PRKN: variants seen among roughly 807,000 people sequenced by gnomAD.
PRKN encodes the protein parkin RBR E3 ubiquitin protein ligase, also known as E3 ubiquitin-protein ligase parkin.
In PRKN, 56 loss-of-function variants were observed where a neutral mutation model predicts 59.5. The ratio of observed to expected loss-of-function variants is 0.94; its 90% CI spans 0.76 to 1.18. PRKN has a LOEUF of 1.18. Ranked by LOEUF, PRKN falls within the 50% of genes most tolerant of loss-of-function variation. The pLI is 0.00. For synonymous variants in PRKN, 250 were observed against 222.1 expected (o/e 1.13, Z -1.12); for missense variants, 657 against 596.4 (o/e 1.10, Z -1.06).
intron 7 of PRKN, among the ~76,000 whole-genome samples, chr6:161,672,515 T>G (rs1218079240): frequency 6.6e-6 from 1 of 152,204 alleles, no homozygotes; most frequent in Non-Finnish European, 1.5e-5. Context: ...GTGGCTCATG[T>G]CTGTAATCCC....
intron 1 of PRKN, among the ~76,000 whole-genome samples, chr6:162,578,706 A>T (rs1464247047): frequency 2.0e-5 from 3 of 152,212 alleles, no homozygotes; most frequent in Admixed American, 6.5e-5. Context: ...TGCTCTAAGC[A>T]TTCTTGATTT....
intron 2 of PRKN, among the ~76,000 whole-genome samples, chr6:162,389,814 A>G (rs956391455): frequency 3.4e-4 from 52 of 152,202 alleles, no homozygotes; most frequent in African/African-American, 1.1e-3. Flanking sequence ...CTCAGTAAAA[A>G]GCTAAACAAA....
intron 4 of PRKN, among the ~76,000 whole-genome samples, chr6:162,151,058 C>T (rs897366886): frequency 3.9e-5 from 6 of 152,180 alleles, no homozygotes; most frequent in Middle Eastern, 3.4e-3. Context: ...ACAGCAGGGA[C>T]GATCCTAAAT....
chr6:162,469,362 GT>G lies in PRKN; in HGVS notation c.8-25890del, dbSNP rs370490953. Reference sequence around the variant, plus strand: ...GTGGGGGGGTTGCAGGGGGGGGTGGGTGACAGAGGAAGTCATTCTACAAAAA... The same window carrying G: ...GTGGGGGGGTTGCAGGGGGGGGTGGGGACAGAGGAAGTCATTCTACAAAAA... On this transcript the variant is annotated intron_variant, in intron 1 of 11. Coordinates refer to ENST00000366898, the MANE Select transcript of PRKN (RefSeq NM_004562.3). Among the ~76,000 whole-genome samples, 632 of 92,542 alleles carry G rather than the reference GT, an allele frequency of 6.8e-3. 14 individuals carry two copies. The highest frequency in any genetic ancestry group is 0.023 in the East Asian group (59 of 2,518). The allele number at this position is 92,542 out of a possible 152,430, so 60.7% of individuals were successfully genotyped here.
intron 6 of PRKN, among the ~76,000 whole-genome samples, chr6:161,872,352 T>G (rs1460130280): frequency 1.3e-5 from 2 of 152,152 alleles, no homozygotes; most frequent in African/African-American, 4.8e-5. Flanking sequence ...ATTTATATAT[T>G]TAAACAGGGC....
chr6:162,007,099 T>C (rs1283639120), intron 5 of PRKN, among the ~76,000 whole-genome samples: 1 of 152,032 alleles, frequency 6.6e-6, no homozygotes, highest in African/African-American at 2.4e-5. Context: ...CGATGGAAAA[T>C]GAGCATTTAA....
intron 1 of PRKN, among the ~76,000 whole-genome samples, chr6:162,682,205 A>G (rs2128233054): frequency 6.6e-6 from 1 of 152,198 alleles, no homozygotes; most frequent in African/African-American, 2.4e-5. Flanking sequence ...AGCAGTGAAA[A>G]CATCCCAGCT....
At chr6:162,466,702 C>G (rs887559726) in intron 1 of PRKN, among the ~76,000 whole-genome samples, 1 of 152,068 alleles carries the variant, frequency 6.6e-6, no homozygotes, top group African/African-American at 2.4e-5. Context: ...GCCACCACAT[C>G]CATTTCACTT....
chr6:162,549,478 G>A (rs780279479), intron 1 of PRKN, among the ~76,000 whole-genome samples: 3 of 152,048 alleles, frequency 2.0e-5, no homozygotes, highest in Non-Finnish European at 4.4e-5. Flanking sequence ...AAACTGATGT[G>A]CTTCTAGAAT....
intron 7 of PRKN, among the ~76,000 whole-genome samples, chr6:161,617,875 G>A (rs1782754358): frequency 6.6e-6 from 1 of 152,206 alleles, no homozygotes; most frequent in Non-Finnish European, 1.5e-5. Flanking sequence ...TAAATCGGTA[G>A]ATTCCTTGTC....
rs375410156 is a variant in PRKN at position 162,291,590 on chromosome 6, C to T, written c.172-28825G>A. Among the ~76,000 whole-genome samples, 16 of 152,162 alleles carry T rather than the reference C, an allele frequency of 1.1e-4. No individual in the cohort carries two copies. In the South Asian group the frequency reaches 3.1e-3, roughly 30 times the overall value. ...ATTTCGAGATGCCTCACCTCCTGCT[C>T]GAAAGTCAGGTGAAGAAGGATTCTT... On this transcript the variant is annotated intron_variant, in intron 2 of 11. Coordinates refer to ENST00000366898, the MANE Select transcript of PRKN (RefSeq NM_004562.3).
chr6:162,444,389 G>C (rs1005553489), intron 1 of PRKN, among the ~76,000 whole-genome samples: 1 of 152,060 alleles, frequency 6.6e-6, no homozygotes, highest in East Asian at 1.9e-4. Flanking sequence ...CTGTCGGCTG[G>C]TGAGGAAAGA....
chr6:162,145,875 A>T (rs1203945752), intron 4 of PRKN, among the ~76,000 whole-genome samples: 2 of 152,168 alleles, frequency 1.3e-5, no homozygotes, highest in East Asian at 3.9e-4. Flanking sequence ...ACAAAGTTGC[A>T]CTTCTATGCA....
rs545470055 is a variant in PRKN at position 162,707,713 on chromosome 6, T to C, written c.7+19949A>G. ...CCTCAGCCTCCTGAGTAGCTGGGAC[T>C]ACAGGTGCAAGCCACCACGCCTGGC... is the stretch of plus-strand genomic sequence containing the variant. On this transcript the variant is annotated intron_variant, in intron 1 of 11. Coordinates refer to ENST00000366898, the MANE Select transcript of PRKN (RefSeq NM_004562.3). Among the ~76,000 whole-genome samples the C allele has an allele frequency of 5.9e-5, 9 of 152,234 alleles. No individual in the cohort carries two copies. In the East Asian group the frequency reaches 1.7e-3, roughly 29 times the overall value.
chr6:162,137,681 T>C (rs1781605404), intron 4 of PRKN, among the ~76,000 whole-genome samples: 1 of 152,144 alleles, frequency 6.6e-6, no homozygotes, highest in Non-Finnish European at 1.5e-5. Context: ...CATGGCAGAA[T>C]GGCAAGAGAG....
At chr6:162,269,109 G>A (rs1313729751) in intron 2 of PRKN, among the ~76,000 whole-genome samples, 4 of 152,146 alleles carry the variant, frequency 2.6e-5, no homozygotes, top group East Asian at 1.9e-4. Flanking sequence ...AACACACCTC[G>A]CAGACTCCGG....
intron 1 of PRKN, among the ~76,000 whole-genome samples, chr6:162,700,248 G>T (rs760927160): frequency 6.6e-6 from 1 of 152,072 alleles, no homozygotes; most frequent in Non-Finnish European, 1.5e-5. Flanking sequence ...CTTATTGTCA[G>T]TTCATTTTCA....
intron 4 of PRKN, among the ~76,000 whole-genome samples, chr6:162,144,011 C>T (rs1781897879): frequency 1.3e-5 from 2 of 152,254 alleles, no homozygotes; most frequent in South Asian, 2.1e-4. Flanking sequence ...AATTATCTGG[C>T]TCATTTAAAG....
At chr6:162,565,944 G>T (rs1287191617) in intron 1 of PRKN, among the ~76,000 whole-genome samples, 1 of 151,890 alleles carries the variant, frequency 6.6e-6, no homozygotes, top group Non-Finnish European at 1.5e-5. Context: ...ACTTATATCA[G>T]AAAAAATAGA....
Sources: allele counts gnomAD v4.1 joint callset (sites outside exome capture counted in the v4.1 genomes callset), GRCh38; gene constraint gnomAD v4.1.1; transcripts MANE v1.5; gene names NCBI Gene and HGNC (gene_info 2026-07-23, HGNC 2026-07-21).